The following SYNE1 variants were observed in gnomAD, a reference collection of about 807,000 sequenced individuals.
SYNE1 encodes spectrin repeat containing nuclear envelope protein 1.
In SYNE1, 616 loss-of-function variants were observed where a neutral mutation model predicts 1,111.0. That is an observed-to-expected ratio of 0.55 (90% CI 0.52 to 0.59). The LOEUF is 0.59. Among genes scored for constraint, SYNE1 ranks in the 20% least tolerant of loss-of-function variants. The pLI is 0.00. For synonymous variants in SYNE1, 3,855 were observed against 3,825.8 expected (o/e 1.01, Z -0.28); for missense variants, 10,006 against 10,417.0 (o/e 0.96, Z 1.72).
At chr6:152,183,001 G>T (rs1219997737) in intron 128 of SYNE1, among the ~76,000 whole-genome samples, 2 of 151,898 alleles carry the variant, frequency 1.3e-5, no homozygotes, top group Non-Finnish European at 2.9e-5. Flanking sequence ...TTGGGGTAGG[G>T]CCTACTAGAA....
At chr6:152,308,442 A>C in intron 91 of SYNE1, 47 bp downstream of exon 91, 2 of 1,613,536 alleles carry the variant, frequency 1.2e-6, no homozygotes, top group Non-Finnish European at 1.7e-6. Flanking sequence ...ATATACTCTA[A>C]TCAAGCCAGT....
intron 45 of SYNE1, among the ~76,000 whole-genome samples, chr6:152,405,810 A>G (rs537957254): frequency 1.3e-5 from 2 of 152,254 alleles, no homozygotes; most frequent in South Asian, 4.1e-4. Flanking sequence ...GATTGCCCTC[A>G]GAGATTGGAA....
At chr6:152,408,969 A>AG (rs1197256643) in intron 44 of SYNE1, 99 bp downstream of exon 44, 5 of 1,325,890 alleles carry the variant, frequency 3.8e-6, no homozygotes, top group Non-Finnish European at 4.2e-6. Flanking sequence ...AAAAAAAAAA[A>AG]AAGTGAAATT....
chr6:152,358,024 A>T (rs192456984), intron 66 of SYNE1, among the ~76,000 whole-genome samples: 1 of 152,292 alleles, frequency 6.6e-6, no homozygotes, highest in Admixed American at 6.5e-5. Flanking sequence ...CCTTCTAATG[A>T]CTTCTGCCGC....
chr6:152,218,517 T>A, intron 120 of SYNE1, 114 bp from the exon 121 acceptor site: 1 of 1,218,092 alleles, frequency 8.2e-7, no homozygotes, highest in Non-Finnish European at 1.2e-6. Context: ...TATTCTTGTA[T>A]CAAATTGCCA....
chr6:152,230,782 G>T, intron 114 of SYNE1, 80 bp from the exon 115 acceptor site: 1 of 1,446,896 alleles, frequency 6.9e-7, no homozygotes, highest in Non-Finnish European at 9.5e-7. Flanking sequence ...ATTCTAGCCA[G>T]TATTTTCTCC....
intron 3 of SYNE1, among the ~76,000 whole-genome samples, chr6:152,567,178 C>T (rs572040773): frequency 7.9e-5 from 12 of 152,114 alleles, no homozygotes; most frequent in Middle Eastern, 3.4e-3. Flanking sequence ...TTTCACTTAG[C>T]GCAAGTCTTC....
chr6:152,188,301 G>T (rs1412055491), intron 128 of SYNE1, among the ~76,000 whole-genome samples: 5 of 152,128 alleles, frequency 3.3e-5, no homozygotes, highest in African/African-American at 1.2e-4. Context: ...AGGCATTTGG[G>T]TCTGTTCTTC....
intron 3 of SYNE1, among the ~76,000 whole-genome samples, chr6:152,587,130 A>T (rs2099542355): frequency 6.6e-6 from 1 of 150,908 alleles, no homozygotes; most frequent in Non-Finnish European, 1.5e-5. Context: ...CTTTCACTTG[A>T]TCTGATCCAA....
At chr6:152,243,722 C>T (rs2086361247) in intron 106 of SYNE1, among the ~76,000 whole-genome samples, 1 of 152,188 alleles carries the variant, frequency 6.6e-6, no homozygotes, top group Non-Finnish European at 1.5e-5. Context: ...AAAGAAAGAA[C>T]TCACAACCCT....
At chr6:152,483,906 C>CA (rs58228464) in intron 13 of SYNE1, among the ~76,000 whole-genome samples, 33 of 149,492 alleles carry the variant, frequency 2.2e-4, no homozygotes, top group Non-Finnish European at 3.6e-4. Context: ...ATGAGACTAT[C>CA]AAAAAAAAAA....
intron 29 of SYNE1, among the ~76,000 whole-genome samples, chr6:152,445,034 A>C (rs1398282416): frequency 6.6e-6 from 1 of 152,032 alleles, no homozygotes; most frequent in Non-Finnish European, 1.5e-5. Context: ...TAAATTTCAT[A>C]ATCATTTATG....
chr6:152,356,932 AC>A (rs1485722419), intron 66 of SYNE1, among the ~76,000 whole-genome samples: 1 of 152,226 alleles, frequency 6.6e-6, no homozygotes, highest in Admixed American at 6.5e-5. Context: ...ACACAAAAGC[AC>A]AGGGAGCTCA....
At chr6:152,522,810 T>C (rs1009653816) in intron 5 of SYNE1, among the ~76,000 whole-genome samples, 3 of 152,146 alleles carry the variant, frequency 2.0e-5, no homozygotes, top group Admixed American at 6.6e-5. Flanking sequence ...TGACTAGTTA[T>C]GTTGTACATT....
chr6:152,221,328 C>G, intron 118 of SYNE1, 98 bp downstream of exon 118: 1 of 1,434,102 alleles, frequency 7.0e-7, no homozygotes, highest in South Asian at 1.2e-5. Flanking sequence ...GGAATAGAAT[C>G]TATATAGCTC....
chr6:152,255,453 T>G, intron 103 of SYNE1, 138 bp downstream of exon 103: 1 of 1,033,082 alleles, frequency 9.7e-7, no homozygotes, highest in Non-Finnish European at 1.5e-6. Context: ...ATAAATATTC[T>G]GCATTTAAGC....
At chr6:152,161,822 C>G (rs375055622) in intron 131 of SYNE1, among the ~76,000 whole-genome samples, 64 of 152,226 alleles carry the variant, frequency 4.2e-4, no homozygotes, top group African/African-American at 1.5e-3. Flanking sequence ...ATTGAAGGTA[C>G]TTTTTGCTTG....
chr6:152,628,241 A>G, intron 3 of SYNE1, 24 bp downstream of exon 3: 1 of 1,613,746 alleles, frequency 6.2e-7, no homozygotes, highest in South Asian at 1.1e-5. Context: ...AATTTTTTTA[A>G]AACCTGAAAT....
Position 152,164,280 on chromosome 6 carries a change from A to T in SYNE1, c.23673T>A (p.Asp7891Glu). 1 of 1,614,046 alleles carries T rather than the reference A, an allele frequency of 6.2e-7. No individual in the cohort carries two copies. Among genetic ancestry groups the T allele is most frequent in the South Asian group, 1.1e-5 (1 of 91,076 alleles). The change falls in exon 131 of 146, where the codon GAT becomes GAA. Residue 7891 changes from aspartate to glutamate, a missense_variant. Physicochemically the swap from Asp to Glu is conservative, Grantham distance 45. Coordinates refer to ENST00000367255, the MANE Select transcript of SYNE1 (RefSeq NM_182961.4). ...AGGTCCTCAGGCTGCTCATGTTCTT[A>T]TCAAGCTGCTGCACGGCTACCAGGG... ...KETLVAVQQL[D>E]KNMSSLRTWL...
Sources: allele counts gnomAD v4.1 joint callset (sites outside exome capture counted in the v4.1 genomes callset), GRCh38; gene constraint gnomAD v4.1.1; transcripts MANE v1.5; gene names NCBI Gene and HGNC (gene_info 2026-07-23, HGNC 2026-07-21).